The following EDARADD variants were observed in gnomAD, a reference collection of about 807,000 sequenced individuals.
EDARADD encodes the protein EDAR associated via death domain.
Under a neutral mutation model 25.6 loss-of-function variants are expected in EDARADD, and 20 were observed. The ratio of observed to expected loss-of-function variants is 0.78; its 90% CI spans 0.55 to 1.14. The LOEUF is 1.14. Ranked by LOEUF, EDARADD falls within the 50% of genes most tolerant of loss-of-function variation. The pLI, the probability that EDARADD is intolerant of heterozygous loss-of-function variation, is 0.00. For missense variants in EDARADD, 225 were observed against 270.1 expected, an observed-to-expected ratio of 0.83 and a Z score of 1.17; for synonymous variants, 86 against 94.4, an observed-to-expected ratio of 0.91 and a Z score of 0.52.
intron 4 of EDARADD, among the ~76,000 whole-genome samples, chr1:236,449,813 A>G (rs896704148): frequency 6.6e-6 from 1 of 152,202 alleles, no homozygotes; most frequent in African/African-American, 2.4e-5. Flanking sequence ...TATAAAAGTA[A>G]TAGGCGGCTG....
At chr1:236,473,258 G>A (rs1274220534) in intron 5 of EDARADD, among the ~76,000 whole-genome samples, 1 of 152,068 alleles carries the variant, frequency 6.6e-6, no homozygotes, top group African/African-American at 2.4e-5. Context: ...AGCCTGGTAG[G>A]GGGAGGGTGC....
intron 4 of EDARADD, among the ~76,000 whole-genome samples, chr1:236,428,703 G>A (rs1431294415): frequency 7.3e-6 from 1 of 137,534 alleles, no homozygotes; most frequent in African/African-American, 2.6e-5. Flanking sequence ...GGGCTGCCGG[G>A]CAGAGACGCT....
chr1:236,382,262 C>G (rs1667311186), intron 3 of EDARADD, among the ~76,000 whole-genome samples: 1 of 152,082 alleles, frequency 6.6e-6, no homozygotes, highest in South Asian at 2.1e-4. Flanking sequence ...TCTGCAATAT[C>G]TTATCTGCCA....
Position 236,428,784 on chromosome 1 carries a change from C to T in EDARADD, c.219+1334C>T, listed in dbSNP as rs1041553103. On this transcript the variant is annotated intron_variant, in intron 4 of 5. Coordinates refer to ENST00000334232, the MANE Select transcript of EDARADD (RefSeq NM_145861.4). ...CGGCACTTTGGGAGGCCAAGGCAGG[C>T]GGCTGGGAGGTGGAGGTTGTAGCGA... 2.3e-4 allele frequency among the ~76,000 whole-genome samples: 35 copies of T among 151,188 alleles called. No homozygotes were observed. The East Asian group carries it at 5.1e-3, about 22-fold the overall frequency.
At chr1:236,428,647 T>C (rs75824681) in intron 4 of EDARADD, among the ~76,000 whole-genome samples, 49,754 of 124,260 alleles carry the variant, frequency 0.4, 12,492 homozygotes, top group Non-Finnish European at 0.55. Context: ...CCTCACTTCC[T>C]AGACGGGATG....
chr1:236,483,616 A>T lies in EDARADD; in HGVS notation c.*967A>T, dbSNP rs193138062. 21 of 1,542,166 alleles carry T rather than the reference A, an allele frequency of 1.4e-5. No homozygotes were observed. The highest frequency in any genetic ancestry group is 1.9e-5 in the Non-Finnish European group (21 of 1,116,632). ...GTCATCTTGCCAGTCCCGGTGTTCAATGTCATCAATGGCAGTTCTCATGCT... is the reference window on the plus strand; with the variant it reads ...GTCATCTTGCCAGTCCCGGTGTTCATTGTCATCAATGGCAGTTCTCATGCT... On this transcript the variant is annotated 3_prime_UTR_variant, in exon 6 of 6. Transcript: ENST00000334232.
At chr1:236,476,564 T>C (rs1321811551) in intron 5 of EDARADD, among the ~76,000 whole-genome samples, 1 of 151,946 alleles carries the variant, frequency 6.6e-6, no homozygotes, top group Non-Finnish European at 1.5e-5. Context: ...TTGCTCATGT[T>C]GCCTAGGCTG....
chr1:236,395,274 A>T lies in EDARADD; in HGVS notation c.61+769A>T. The T allele has an allele frequency of 2.0e-6, 2 of 975,724 alleles. No individual in the cohort carries two copies. The highest frequency in any genetic ancestry group is 2.6e-6 in the Non-Finnish European group (2 of 765,666). 60.4% of individuals were successfully genotyped at this position (975,724 alleles called of 1,614,324 possible). A position where few individuals can be genotyped will look rare whatever the true frequency, so the allele number is the denominator to read the frequency against. The stretch of plus-strand genomic sequence containing the variant: ...GCCCAGGGGGACGTGGGTACCGGGC[A>T]GGACGCGCGCTCTGGGCGCTGGGGA... On this transcript the variant is annotated intron_variant, in intron 1 of 5. Coordinates refer to ENST00000334232, the MANE Select transcript of EDARADD (RefSeq NM_145861.4). This position sits in a 1 kb window ranked among gnomAD's most constrained non-coding sequence, Gnocchi z 6.9.
chr1:236,390,866 G>A (rs929403783), upstream of EDARADD, among the ~76,000 whole-genome samples: 18 of 152,196 alleles, frequency 1.2e-4, no homozygotes, highest in African/African-American at 4.1e-4. Flanking sequence ...AAGAAGGTCA[G>A]TAGTCTAGAG....
chr1:236,395,611 T>A lies in EDARADD; in HGVS notation c.61+1106T>A. The A allele has an allele frequency of 6.4e-7, 1 of 1,562,128 alleles. No individual in the cohort carries two copies. Among genetic ancestry groups the A allele is most frequent in the Non-Finnish European group, 8.7e-7 (1 of 1,156,012 alleles). On this transcript the variant is annotated intron_variant, in intron 1 of 5. Coordinates refer to ENST00000334232, the MANE Select transcript of EDARADD (RefSeq NM_145861.4). This position sits in a 1 kb window ranked among gnomAD's most constrained non-coding sequence, Gnocchi z 6.9. ...CTGCCAGCCCCGCTCGGACGCTCGT[T>A]TGCCCCTAACCCGCCGCCATGGCTT...
intron 1 of EDARADD, among the ~76,000 whole-genome samples, chr1:236,397,006 A>G (rs891918809): frequency 6.7e-6 from 1 of 150,184 alleles, no homozygotes; most frequent in Non-Finnish European, 1.5e-5. Flanking sequence ...AGATCTTGAG[A>G]GAGATACACT....
chr1:236,471,710 C>G (rs1475307944), intron 5 of EDARADD, among the ~76,000 whole-genome samples: 1 of 152,128 alleles, frequency 6.6e-6, no homozygotes, highest in African/African-American at 2.4e-5. Flanking sequence ...CGGGGAGCAT[C>G]CTTACAAATG....
intron 5 of EDARADD, among the ~76,000 whole-genome samples, chr1:236,473,408 C>CG: frequency 6.6e-6 from 1 of 152,250 alleles, no homozygotes; most frequent in East Asian, 1.9e-4. Context: ...TGTTCTAGGA[C>CG]GGGCGTGGGC....
chr1:236,466,330 G>A (rs1659185340), intron 4 of EDARADD, among the ~76,000 whole-genome samples: 1 of 151,994 alleles, frequency 6.6e-6, no homozygotes, highest in South Asian at 2.1e-4. Context: ...AAAAGCTAAA[G>A]GTTGCATAGA....
At chr1:236,458,494 A>G (rs1434068281) in intron 4 of EDARADD, among the ~76,000 whole-genome samples, 2 of 152,198 alleles carry the variant, frequency 1.3e-5, no homozygotes, top group Non-Finnish European at 2.9e-5. Context: ...GATTGTAACC[A>G]GTAACATGTG....
At chr1:236,373,755 T>C (rs1343039239) in intron 3 of EDARADD, among the ~76,000 whole-genome samples, 6 of 152,194 alleles carry the variant, frequency 3.9e-5, no homozygotes, top group African/African-American at 1.4e-4. Flanking sequence ...GCATAGACTA[T>C]TGATTTAAAA....
At chr1:236,383,498 G>A (rs1217207199) in intron 3 of EDARADD, among the ~76,000 whole-genome samples, 1 of 151,916 alleles carries the variant, frequency 6.6e-6, no homozygotes, top group Non-Finnish European at 1.5e-5. Context: ...CTGGTGTGCT[G>A]TCTTAAAACC....
At chr1:236,475,874 A>G (rs950389953) in intron 5 of EDARADD, among the ~76,000 whole-genome samples, 2 of 152,192 alleles carry the variant, frequency 1.3e-5, no homozygotes, top group Non-Finnish European at 1.5e-5. Context: ...AAGAAATAAG[A>G]GCTTTTCATA....
chr1:236,405,862 CTTCCTTCCTTCCTTCTTTCT>C (rs1667715438), intron 1 of EDARADD, among the ~76,000 whole-genome samples: 2 of 45,510 alleles, frequency 4.4e-5, no homozygotes, highest in South Asian at 8.5e-4. Flanking sequence ...TCCTTCCTTC[CTTCCTTCCTTCCTTCTTTCT>C]TTCTTTCTTT....
Sources: gnomAD v4.1 joint callset for allele counts (sites outside exome capture counted in the v4.1 genomes callset) on GRCh38, gnomAD v4.1.1 for gene constraint, Gnocchi (gnomAD v3.1) non-coding constraint, MANE v1.5 for transcripts, NCBI Gene and HGNC (gene_info 2026-07-23, HGNC 2026-07-21) for gene names.